Variants in SERGEF observed in about 807,000 individuals in gnomAD.
The protein encoded by SERGEF is secretion-regulating guanine nucleotide exchange factor.
In SERGEF, 51 loss-of-function variants were observed where a neutral mutation model predicts 50.0. The ratio of observed to expected loss-of-function variants is 1.02; its 90% CI spans 0.81 to 1.29. The LOEUF (loss-of-function observed/expected upper bound fraction) is 1.29. Among genes scored for constraint, SERGEF ranks in the 50% most tolerant of loss-of-function variants. The probability of loss-of-function intolerance (pLI) is 0.00; values close to 1 mark genes in which losing one functional copy is unlikely to be tolerated. For synonymous variants in SERGEF, 205 were observed against 212.4 expected (o/e 0.97, Z 0.30); for missense variants, 521 against 557.0 (o/e 0.94, Z 0.65).
At chr11:17,949,382 T>C (rs1295985810) in intron 9 of SERGEF, among the ~76,000 whole-genome samples, 2 of 151,756 alleles carry the variant, frequency 1.3e-5, no homozygotes, top group South Asian at 2.1e-4. Flanking sequence ...GGAGGTCCCA[T>C]TGGTCAGAAA....
intron 10 of SERGEF, among the ~76,000 whole-genome samples, chr11:17,832,539 G>T (rs1375302225): frequency 2.6e-5 from 4 of 152,220 alleles, no homozygotes; most frequent in Non-Finnish European, 4.4e-5. Context: ...ACCCGAAAAA[G>T]TGGAAGTGAC....
At chr11:17,861,360 G>A (rs1850923202) in intron 10 of SERGEF, among the ~76,000 whole-genome samples, 1 of 152,198 alleles carries the variant, frequency 6.6e-6, no homozygotes, top group Admixed American at 6.5e-5. Context: ...TAGAGAGGGT[G>A]GCAATCTTGC....
chr11:17,962,112 C>T (rs1853014698), intron 8 of SERGEF, among the ~76,000 whole-genome samples: 1 of 152,156 alleles, frequency 6.6e-6, no homozygotes, highest in Non-Finnish European at 1.5e-5. Flanking sequence ...GTGGTATCTC[C>T]AATGATTGCA....
chr11:17,827,168 G>A (rs1006361602), intron 10 of SERGEF, among the ~76,000 whole-genome samples: 2 of 152,186 alleles, frequency 1.3e-5, no homozygotes, highest in Admixed American at 6.5e-5. Context: ...GGGCATGTAG[G>A]TAAACCTCTC....
chr11:17,883,354 A>G (rs551753543), intron 9 of SERGEF, among the ~76,000 whole-genome samples: 2 of 152,372 alleles, frequency 1.3e-5, no homozygotes, highest in African/African-American at 2.4e-5. Flanking sequence ...ATGCTTGCCA[A>G]CTGTTGGATG....
At chr11:17,846,218 C>A (rs1850608851) in intron 10 of SERGEF, among the ~76,000 whole-genome samples, 1 of 152,162 alleles carries the variant, frequency 6.6e-6, no homozygotes, top group Non-Finnish European at 1.5e-5. Flanking sequence ...CATAATGAAT[C>A]ACGGTATGTC....
intron 10 of SERGEF, among the ~76,000 whole-genome samples, chr11:17,788,978 T>G (rs1849435019): frequency 6.6e-6 from 1 of 152,216 alleles, no homozygotes. Context: ...GGCCTTCCCT[T>G]GGCCTGTGAG....
chr11:17,888,576 A>C lies in SERGEF; in HGVS notation c.1012-10332T>G, dbSNP rs567805560. On this transcript the variant is annotated intron_variant, in intron 9 of 10. Coordinates refer to ENST00000265965, the MANE Select transcript of SERGEF (RefSeq NM_012139.4). This position sits in a 1 kb window ranked among gnomAD's most constrained non-coding sequence, Gnocchi z 4.1. Reference sequence around the variant, plus strand: ...ATAGAATGAGAGAAGGCAAAGAGAAACCCTGTGGATATCAGGTTAGAATTA... The same window carrying C: ...ATAGAATGAGAGAAGGCAAAGAGAACCCCTGTGGATATCAGGTTAGAATTA... Among the ~76,000 whole-genome samples the C allele has an allele frequency of 1.6e-3, 248 of 152,030 alleles. No homozygotes were observed. Among genetic ancestry groups the C allele is most frequent in the African/African-American group, 5.6e-3 (232 of 41,460 alleles).
intron 10 of SERGEF, among the ~76,000 whole-genome samples, chr11:17,813,749 T>C (rs1849914492): frequency 6.6e-6 from 1 of 152,136 alleles, no homozygotes; most frequent in African/African-American, 2.4e-5. Flanking sequence ...GAAACAAAAA[T>C]AAGGAATGCA....
chr11:17,962,285 G>C (rs1032637417), intron 8 of SERGEF, among the ~76,000 whole-genome samples: 6 of 152,110 alleles, frequency 3.9e-5, no homozygotes, highest in Non-Finnish European at 7.3e-5. Flanking sequence ...ACTCAGGACT[G>C]TAAGTGCTGA....
At chr11:17,998,492 T>A (rs1456098165) in intron 5 of SERGEF, among the ~76,000 whole-genome samples, 1 of 114,444 alleles carries the variant, frequency 8.7e-6, no homozygotes. Context: ...TATATATGCA[T>A]GTGTGAGTGT....
chr11:17,868,946 C>T (rs1248580423), intron 10 of SERGEF, among the ~76,000 whole-genome samples: 5 of 152,100 alleles, frequency 3.3e-5, no homozygotes, highest in African/African-American at 4.8e-5. Context: ...CATGGGAATT[C>T]AATATGAGAT....
At chr11:17,863,449 T>C (rs1263392522) in intron 10 of SERGEF, 4 of 152,218 alleles carry the variant, frequency 2.6e-5, no homozygotes, top group African/African-American at 7.2e-5. Context: ...ATTCACACTT[T>C]AGAGCCTTCT....
intron 10 of SERGEF, among the ~76,000 whole-genome samples, chr11:17,806,306 C>T (rs1246890911): frequency 6.6e-6 from 1 of 152,180 alleles, no homozygotes; most frequent in Non-Finnish European, 1.5e-5. Flanking sequence ...AAGATGAATA[C>T]GATGGTCCAT....
intron 9 of SERGEF, among the ~76,000 whole-genome samples, chr11:17,953,064 C>T (rs1480082772): frequency 6.7e-6 from 1 of 149,918 alleles, no homozygotes; most frequent in Admixed American, 6.7e-5. Flanking sequence ...CAACCTCCCA[C>T]CCTAGCCCCC....
rs71047568 is a variant in SERGEF, at chr11:17,998,528, A to ATGTGTG, written c.508+1963_508+1968dup. ...GTGTGTTATATATATATATGTTTAT[A>ATGTGTG]TGTGTGTGTGTGTGTGTGTATGTGT... On this transcript the variant is annotated intron_variant, in intron 5 of 10. Transcript: ENST00000265965. Among the ~76,000 whole-genome samples, 64 of 126,152 alleles carry ATGTGTG rather than the reference A, an allele frequency of 5.1e-4. 1 individual carries two copies. The highest frequency in any genetic ancestry group is 3.9e-3 in the South Asian group (15 of 3,806). 82.8% of individuals were successfully genotyped at this position (126,152 alleles called of 152,430 possible).
intron 10 of SERGEF, among the ~76,000 whole-genome samples, chr11:17,865,358 T>C (rs1311541566): frequency 6.6e-6 from 1 of 152,240 alleles, no homozygotes; most frequent in Non-Finnish European, 1.5e-5. Context: ...CTATACTTTT[T>C]ATTGTTATTT....
chr11:17,985,010 C>G (rs572955941), intron 8 of SERGEF, among the ~76,000 whole-genome samples: 1 of 152,144 alleles, frequency 6.6e-6, no homozygotes, highest in Non-Finnish European at 1.5e-5. Context: ...AATTAGGCCA[C>G]GAAAATCTTC....
chr11:17,929,853 A>AT (rs1852320232), intron 9 of SERGEF, among the ~76,000 whole-genome samples: 1 of 152,136 alleles, frequency 6.6e-6, no homozygotes, highest in African/African-American at 2.4e-5. Context: ...TTCCTACAGC[A>AT]TTTCCTTTTT....
Sources: allele counts gnomAD v4.1 joint callset (sites outside exome capture counted in the v4.1 genomes callset), GRCh38; gene constraint gnomAD v4.1.1; non-coding constraint Gnocchi (gnomAD v3.1); transcripts MANE v1.5; gene names NCBI Gene and HGNC (gene_info 2026-07-23, HGNC 2026-07-21).